Variants in REV3L observed in about 807,000 individuals in gnomAD.
REV3L encodes DNA polymerase zeta catalytic subunit.
In REV3L, 69 loss-of-function variants were observed where a neutral mutation model predicts 299.4. That is an observed-to-expected ratio of 0.23 (90% confidence interval 0.19 to 0.28). The LOEUF (loss-of-function observed/expected upper bound fraction) is 0.28. Among genes scored for constraint, REV3L ranks in the 10% least tolerant of loss-of-function variants. REV3L has a pLI of 1.00. For missense variants in REV3L, 3,128 were observed against 3,693.8 expected, an observed-to-expected ratio of 0.85 and a Z score of 3.97; for synonymous variants, 1,238 against 1,271.4, an observed-to-expected ratio of 0.97 and a Z score of 0.56.
chr6:111,335,701 A>G (rs1582568141), intron 21 of REV3L, 91 bp from the exon 22 acceptor site: 3 of 1,287,172 alleles, frequency 2.3e-6, no homozygotes, highest in Non-Finnish European at 3.2e-6. Flanking sequence ...TCTACATGCT[A>G]AAAGTGAGGT....
chr6:111,361,505 C>T (rs1337605667), intron 16 of REV3L: 1 of 150,680 alleles, frequency 6.6e-6, no homozygotes, highest in African/African-American at 2.4e-5. Context: ...TTAAAAGGGT[C>T]TTAGAGGTTG....
At chr6:111,483,511 C>CGAG (rs1794032237), upstream of REV3L, 3 of 516,676 alleles carry the variant, frequency 5.8e-6, no homozygotes, top group Non-Finnish European at 1.1e-5. Context: ...GGATGGGCTC[C>CGAG]GAGGGGCTTG....
chr6:111,368,100 T>C, intron 13 of REV3L, 72 bp from the exon 14 acceptor site: 6 of 1,311,530 alleles, frequency 4.6e-6, no homozygotes, highest in Non-Finnish European at 6.2e-6. Context: ...CTCCATATCC[T>C]AGATAAAGTC....
chr6:111,308,329 TA>T, intron 30 of REV3L: 1 of 446,148 alleles, frequency 2.2e-6, no homozygotes, highest in Non-Finnish European at 4.5e-6. Flanking sequence ...ACATTAGTAA[TA>T]AAGAATCTGA....
intron 3 of REV3L, among the ~76,000 whole-genome samples, chr6:111,409,664 G>A (rs970541728): frequency 1.3e-5 from 2 of 152,152 alleles, no homozygotes; most frequent in African/African-American, 4.8e-5. Context: ...GTAGAGGATA[G>A]AGAATAGTAA....
intron 20 of REV3L, among the ~76,000 whole-genome samples, chr6:111,347,491 A>C (rs1264190325): frequency 3.3e-5 from 5 of 152,070 alleles, no homozygotes; most frequent in African/African-American, 9.7e-5. Context: ...TTAGAAAGTC[A>C]AATGTTTTAT....
chr6:111,405,318 C>T, intron 4 of REV3L, 152 bp downstream of exon 4: 1 of 534,686 alleles, frequency 1.9e-6, no homozygotes, highest in Non-Finnish European at 2.9e-6. Flanking sequence ...CTGACAATCT[C>T]TAATCCCACT....
At chr6:111,424,034 T>C (rs34288099) in intron 1 of REV3L, among the ~76,000 whole-genome samples, 13,163 of 152,208 alleles carry the variant, frequency 0.086, 637 homozygotes, top group South Asian at 0.12. Context: ...TGAGCAACAA[T>C]TGGGTAAGAT....
intron 1 of REV3L, among the ~76,000 whole-genome samples, chr6:111,474,025 G>A (rs1217564338): frequency 6.6e-6 from 1 of 151,996 alleles, no homozygotes; most frequent in Non-Finnish European, 1.5e-5. Flanking sequence ...CAACAGGAGG[G>A]CATTTGGAGG....
At chr6:111,330,782 TA>T (rs1311281688) in intron 24 of REV3L, among the ~76,000 whole-genome samples, 1 of 151,710 alleles carries the variant, frequency 6.6e-6, no homozygotes, top group Non-Finnish European at 1.5e-5. Flanking sequence ...ACCCATTTAA[TA>T]AAAAAAAATC....
intron 1 of REV3L, among the ~76,000 whole-genome samples, chr6:111,420,179 A>G (rs1223569765): frequency 1.3e-5 from 2 of 152,274 alleles, no homozygotes; most frequent in Non-Finnish European, 2.9e-5. Flanking sequence ...GGTATTAGGT[A>G]TTTCTAGGTA....
chr6:111,330,357 C>CAA, intron 24 of REV3L: 7 of 374,054 alleles, frequency 1.9e-5, no homozygotes, highest in South Asian at 4.0e-5. Flanking sequence ...TTGTTGATGC[C>CAA]AAAAAAAAAA....
At chr6:111,314,905 G>C (rs1333948587) in intron 27 of REV3L, among the ~76,000 whole-genome samples, 4 of 147,194 alleles carry the variant, frequency 2.7e-5, no homozygotes, top group African/African-American at 1.0e-4. Context: ...AGGCTGGAGT[G>C]CACCGGTCAA....
Position 111,356,444 on chromosome 6 carries a change from C to G in REV3L, c.7184+570G>C, listed in dbSNP as rs577246656. Among the ~76,000 whole-genome samples, 368 of 151,954 alleles carry G rather than the reference C, an allele frequency of 2.4e-3. 2 individuals carry two copies. Among genetic ancestry groups the G allele is most frequent in the African/African-American group, 8.7e-3 (361 of 41,464 alleles). ...AAGATTCTACTATCGGACTGAGGAC[C>G]GACTACCAAATGGTCAAAAGAGATT... On this transcript the variant is annotated intron_variant, in intron 18 of 31. Coordinates refer to ENST00000368802, the MANE Select transcript of REV3L (RefSeq NM_001372078.1).
At chr6:111,322,532 G>C (rs747776127) in intron 26 of REV3L, 37 bp downstream of exon 26, 11 of 1,434,246 alleles carry the variant, frequency 7.7e-6, no homozygotes, top group Non-Finnish European at 1.1e-5. Context: ...GATCTAGAGA[G>C]ATGCAAAAGA....
intron 1 of REV3L, among the ~76,000 whole-genome samples, chr6:111,437,582 C>G (rs1176754033): frequency 2.0e-5 from 3 of 150,626 alleles, no homozygotes; most frequent in Admixed American, 2.0e-4. Flanking sequence ...GCTAAGGGAG[C>G]CAGACACAAA....
intron 1 of REV3L, among the ~76,000 whole-genome samples, chr6:111,450,036 T>C (rs1789312851): frequency 6.6e-6 from 1 of 152,086 alleles, no homozygotes; most frequent in Non-Finnish European, 1.5e-5. Flanking sequence ...AAAATTTTCA[T>C]CTCATGACGG....
At position 111,372,994 on chromosome 6, in the gene REV3L, A is replaced by G. The variant is rs1395209491; in HGVS notation, c.5361T>C (p.Phe1787=). 1.2e-6 allele frequency: 2 copies of G among 1,614,156 alleles called. No homozygotes were observed. The highest frequency in any genetic ancestry group is 1.3e-5 in the African/African-American group (1 of 75,052). Residue 1787 remains phenylalanine, a synonymous_variant, in exon 13 of 32, where the codon TTT becomes TTC. Coordinates refer to ENST00000368802, the MANE Select transcript of REV3L (RefSeq NM_001372078.1). The part of the protein sequence containing the change: ...LNRSSVSKEV[F]LSLPQPNNSD... ...AATTGTTTGGCTGTGGGAGGCTAAG[A>G]AACACTTCTTTGCTTACTGAACTCC...
intron 10 of REV3L, among the ~76,000 whole-genome samples, chr6:111,380,875 A>T (rs867543780): frequency 6.6e-6 from 1 of 152,150 alleles, no homozygotes; most frequent in Non-Finnish European, 1.5e-5. Context: ...CTGAGATGCC[A>T]CTCAAGGGGA....
Sources: allele counts gnomAD v4.1 joint callset (sites outside exome capture counted in the v4.1 genomes callset), GRCh38; gene constraint gnomAD v4.1.1; transcripts MANE v1.5; gene names NCBI Gene and HGNC (gene_info 2026-07-23, HGNC 2026-07-21).